Variants in AMPH observed in about 807,000 individuals in gnomAD.
The protein encoded by AMPH is amphiphysin (Stiff-Mann syndrome with breast cancer 128kD autoantigen).
Under a neutral mutation model 99.1 loss-of-function variants are expected in AMPH, and 49 were observed. The observed-to-expected ratio is 0.49, with a 90% CI of 0.39 to 0.63. The LOEUF (loss-of-function observed/expected upper bound fraction) is 0.63, where lower values mean the gene tolerates loss of function less well. AMPH is among the 20% of genes least tolerant of loss of function. The probability of loss-of-function intolerance (pLI) is 0.00; values close to 1 mark genes in which losing one functional copy is unlikely to be tolerated. For synonymous variants in AMPH, 314 were observed against 317.3 expected, an observed-to-expected ratio of 0.99 and a Z score of 0.11; for missense variants, 759 against 863.4, an observed-to-expected ratio of 0.88 and a Z score of 1.52.
At chr7:38,574,820 C>A (rs947474107) in intron 1 of AMPH, among the ~76,000 whole-genome samples, 17 of 152,028 alleles carry the variant, frequency 1.1e-4, no homozygotes, top group African/African-American at 4.1e-4. Flanking sequence ...CTTTGGGAGG[C>A]CGGGGCGGGC....
At chr7:38,578,321 T>C (rs1792321005) in intron 1 of AMPH, among the ~76,000 whole-genome samples, 1 of 152,236 alleles carries the variant, frequency 6.6e-6, no homozygotes, top group Admixed American at 6.5e-5. Flanking sequence ...GTTATGTTGT[T>C]AGATTTAGTA....
intron 1 of AMPH, among the ~76,000 whole-genome samples, chr7:38,628,185 C>A (rs890464616): frequency 3.3e-5 from 5 of 152,142 alleles, no homozygotes; most frequent in Non-Finnish European, 7.4e-5. Flanking sequence ...CACGAATGCA[C>A]AAAAGTTTGC....
intron 1 of AMPH, among the ~76,000 whole-genome samples, chr7:38,626,694 T>C (rs1225327030): frequency 6.6e-6 from 1 of 152,096 alleles, no homozygotes; most frequent in Non-Finnish European, 1.5e-5. Flanking sequence ...AATTGACAAA[T>C]GGGATCTAAT....
chr7:38,426,999 G>A lies in AMPH; in HGVS notation c.1183-13C>T, dbSNP rs957562036. 1.1e-5 allele frequency: 18 copies of A among 1,609,070 alleles called. No individual in the cohort carries two copies. The Middle Eastern group carries it at 9.9e-4, about 89-fold the overall frequency. ...AACCACCAGAAGCCTAAACAGAAAC[G>A]AAAATCAGATTGTGTTATTATTTTT... On this transcript the variant is annotated splice_polypyrimidine_tract_variant and intron_variant, in intron 14 of 20. Coordinates refer to ENST00000356264, the MANE Select transcript of AMPH (RefSeq NM_001635.4).
At chr7:38,479,091 C>A (rs1788193399) in intron 5 of AMPH, among the ~76,000 whole-genome samples, 1 of 151,774 alleles carries the variant, frequency 6.6e-6, no homozygotes, top group African/African-American at 2.4e-5. Flanking sequence ...ATAATGAAGA[C>A]ATCAAAGTAT....
At chr7:38,455,067 T>C (rs1787177041) in intron 11 of AMPH, among the ~76,000 whole-genome samples, 1 of 151,620 alleles carries the variant, frequency 6.6e-6, no homozygotes, top group Non-Finnish European at 1.5e-5. Flanking sequence ...ATGATTTAAG[T>C]GATTATTAAA....
chr7:38,621,361 C>G (rs1388941082), intron 1 of AMPH, among the ~76,000 whole-genome samples: 1 of 152,186 alleles, frequency 6.6e-6, no homozygotes, highest in Non-Finnish European at 1.5e-5. Flanking sequence ...GTATGCTCAA[C>G]CAGGACAGCT....
At chr7:38,453,797 G>A (rs930936147) in intron 11 of AMPH, among the ~76,000 whole-genome samples, 11 of 152,202 alleles carry the variant, frequency 7.2e-5, no homozygotes, top group African/African-American at 2.4e-4. Context: ...ATGGAACTGA[G>A]AGGATGCTCT....
chr7:38,465,676 G>A, intron 8 of AMPH, 127 bp from the exon 9 acceptor site: 1 of 773,536 alleles, frequency 1.3e-6, no homozygotes, highest in Non-Finnish European at 2.1e-6. Context: ...GATGGCCTCA[G>A]GATAACTGAA....
At chr7:38,561,059 G>C (rs1791536811) in intron 1 of AMPH, among the ~76,000 whole-genome samples, 1 of 152,188 alleles carries the variant, frequency 6.6e-6, no homozygotes, top group African/African-American at 2.4e-5. Context: ...CAGATGCTTA[G>C]CCTTTCCTGA....
intron 1 of AMPH, among the ~76,000 whole-genome samples, chr7:38,596,390 G>T (rs1793060479): frequency 6.6e-6 from 1 of 152,148 alleles, no homozygotes; most frequent in Non-Finnish European, 1.5e-5. Flanking sequence ...GAAATCAGGA[G>T]CCCGGGGAAT....
intron 2 of AMPH, among the ~76,000 whole-genome samples, chr7:38,510,328 C>T (rs1167804595): frequency 1.3e-5 from 2 of 152,134 alleles, no homozygotes; most frequent in Non-Finnish European, 2.9e-5. Context: ...CCTCACTTAA[C>T]CTTAATCACC....
chr7:38,432,261 TA>T, intron 12 of AMPH, 49 bp from the exon 13 acceptor site: 7 of 1,546,780 alleles, frequency 4.5e-6, no homozygotes, highest in Non-Finnish European at 5.3e-6. Flanking sequence ...ATCTAAAACA[TA>T]AAAAAATGCT....
In AMPH at chr7:38,596,319, C is replaced by T. The variant is rs576186032; in HGVS notation, c.69+34964G>A. On this transcript the variant is annotated intron_variant, in intron 1 of 20. Transcript: ENST00000356264. The stretch of plus-strand genomic sequence containing the variant: ...CCAGCTTCTAGGAGCCAACAGTGGG[C>T]TTCCTCCAGCCTCTTGTCTCAGTTC... 5.3e-5 allele frequency among the ~76,000 whole-genome samples: 8 copies of T among 152,288 alleles called. No homozygotes were observed. The East Asian group carries it at 1.4e-3, about 26-fold the overall frequency.
chr7:38,453,371 C>T (rs1384191567), intron 11 of AMPH, among the ~76,000 whole-genome samples: 4 of 152,154 alleles, frequency 2.6e-5, no homozygotes. Context: ...ACTAGCAAAG[C>T]CTAGGCAAGC....
intron 3 of AMPH, among the ~76,000 whole-genome samples, chr7:38,502,781 C>T (rs9639796): frequency 0.59 from 89,991 of 151,854 alleles, 26,928 homozygotes; most frequent in African/African-American, 0.65. Flanking sequence ...GCCCCTTGAA[C>T]CTGGTGCCAT....
rs116994578 is a variant in AMPH at position 38,413,768 on chromosome 7, T to C, written c.1398+4057A>G. Among the ~76,000 whole-genome samples, 20 of 152,322 alleles carry C rather than the reference T, an allele frequency of 1.3e-4. No homozygotes were observed. The East Asian group carries it at 3.7e-3, about 28-fold the overall frequency. On this transcript the variant is annotated intron_variant, in intron 17 of 20. Transcript: ENST00000356264. ...AGTGTAAGCCCTTGGAGTTGGAAGA[T>C]CATTCTATGTTAATAAGGGCAGACA...
chr7:38,391,880 C>T lies in AMPH; in HGVS notation c.1746G>A (p.Pro582=), dbSNP rs1058655. The change falls in exon 19 of 21, where the codon CCG becomes CCA. Residue 582 remains proline, a synonymous_variant. Transcript: ENST00000356264. ...TAGGCTTCTGCTCCGTAGCCAGCTC[C>T]GGTGTCTCGCTGGTGGGGCCCGGAG... The part of the protein sequence containing the change: ...AAPPGPTSET[P]ELATEQKPIQ... The T allele has an allele frequency of 1.9e-5, 31 of 1,612,470 alleles. No individual in the cohort carries two copies. Among genetic ancestry groups the T allele is most frequent in the East Asian group, 4.5e-5 (2 of 44,832 alleles).
chr7:38,571,012 TATATATATTCATATATTGA>T (rs1328592439), intron 1 of AMPH, among the ~76,000 whole-genome samples: 1,017 of 75,162 alleles, frequency 0.014, 193 homozygotes, highest in East Asian at 0.048. Flanking sequence ...ATATATAGAA[TATATATATTCATATATTGA>T]ATATATATAG....
Sources: allele counts gnomAD v4.1 joint callset (sites outside exome capture counted in the v4.1 genomes callset), GRCh38; gene constraint gnomAD v4.1.1; transcripts MANE v1.5; gene names NCBI Gene and HGNC (gene_info 2026-07-23, HGNC 2026-07-21).